The following ZNF804B variants were observed in gnomAD, a reference collection of about 807,000 sequenced individuals.
ZNF804B encodes the protein zinc finger protein 804B.
A neutral mutation model predicts 101.4 loss-of-function variants in ZNF804B; 80 were observed. The observed-to-expected ratio is 0.79, with a 90% CI of 0.66 to 0.95. The LOEUF is 0.95. ZNF804B is among the 40% of genes least tolerant of loss of function. ZNF804B has a pLI of 0.00. For missense variants in ZNF804B, 1,673 were observed against 1,561.9 expected, an observed-to-expected ratio of 1.07 and a Z score of -1.20; for synonymous variants, 622 against 558.8, an observed-to-expected ratio of 1.11 and a Z score of -1.59.
intron 1 of ZNF804B, chr7:88,794,040 T>C: frequency 1.7e-6 from 1 of 592,798 alleles, no homozygotes; most frequent in Non-Finnish European, 2.7e-6. Context: ...CTCAACATAC[T>C]CTATAAAGAT....
At chr7:88,843,749 A>G (rs1226896802) in intron 1 of ZNF804B, among the ~76,000 whole-genome samples, 2 of 152,172 alleles carry the variant, frequency 1.3e-5, no homozygotes, top group African/African-American at 4.8e-5. Flanking sequence ...AAGAAAAAAA[A>G]TAATAAATAA....
chr7:89,290,457 G>A (rs1000364884), intron 2 of ZNF804B, among the ~76,000 whole-genome samples: 2 of 152,120 alleles, frequency 1.3e-5, no homozygotes, highest in East Asian at 3.9e-4. Context: ...CATTTTCTGG[G>A]CCTTCCTGGA....
chr7:89,039,941 C>T (rs1405309103), intron 1 of ZNF804B, among the ~76,000 whole-genome samples: 5 of 151,856 alleles, frequency 3.3e-5, no homozygotes, highest in Admixed American at 2.0e-4. Flanking sequence ...ATTTTGTTAC[C>T]GTATGTCTTG....
intron 1 of ZNF804B, among the ~76,000 whole-genome samples, chr7:89,007,563 T>C (rs1251583915): frequency 3.3e-5 from 1 of 30,456 alleles, no homozygotes; most frequent in East Asian, 4.5e-4. Context: ...TATTTATCTA[T>C]TATAATTATA....
intron 1 of ZNF804B, among the ~76,000 whole-genome samples, chr7:89,120,657 CAA>C (rs10636811): frequency 2.9e-5 from 3 of 103,326 alleles, no homozygotes; most frequent in Non-Finnish European, 1.8e-5. Flanking sequence ...GACTCCGCCT[CAA>C]AAAAAAAAAA....
In ZNF804B at chr7:89,274,607, T is replaced by C. The variant is rs1789950455; in HGVS notation, c.250-52737T>C. 1.3e-5 allele frequency among the ~76,000 whole-genome samples: 2 copies of C among 151,724 alleles called. 1 individual carries two copies. The highest frequency in any genetic ancestry group is 4.1e-4 in the South Asian group (2 of 4,820). ...TATTTAAGTGAGAAAATACACATAA[T>C]GATCCTTAGAAGACATGTTCCCCAA... On this transcript the variant is annotated intron_variant, in intron 2 of 3. Transcript: ENST00000333190.
In ZNF804B at chr7:89,334,885, A is replaced by G. The variant is rs1297978534; in HGVS notation, c.1903A>G (p.Lys635Glu). ...LSFPSYISRF[K>E]KHKLIPCSPH... ...TTTTCCTTCCTACATCTCTAGGTTT[A>G]AAAAGCATAAATTGATTCCCTGCAG... is the stretch of plus-strand genomic sequence containing the variant. The change falls in exon 4 of 4, where the codon AAA becomes GAA. Residue 635 changes from lysine to glutamate, a missense_variant. Physicochemically the swap from Lys to Glu is moderately conservative, Grantham distance 56. Coordinates refer to ENST00000333190, the MANE Select transcript of ZNF804B (RefSeq NM_181646.5). 32 of 1,613,826 alleles carry G rather than the reference A, an allele frequency of 2.0e-5. No individual in the cohort carries two copies. Among genetic ancestry groups the G allele is most frequent in the Non-Finnish European group, 2.6e-5 (31 of 1,179,858 alleles).
intron 1 of ZNF804B, among the ~76,000 whole-genome samples, chr7:88,882,972 A>G (rs1424256107): frequency 6.6e-6 from 1 of 152,182 alleles, no homozygotes; most frequent in African/African-American, 2.4e-5. Context: ...CCCCCATGTA[A>G]CAAATCTGCA....
At chr7:88,764,013 T>C (rs377221128) in intron 1 of ZNF804B, among the ~76,000 whole-genome samples, 1 of 152,210 alleles carries the variant, frequency 6.6e-6, no homozygotes, top group East Asian at 1.9e-4. Flanking sequence ...ACATAGTCTA[T>C]AGATTAATTC....
chr7:88,994,109 C>A (rs1793886036), intron 1 of ZNF804B, among the ~76,000 whole-genome samples: 1 of 151,790 alleles, frequency 6.6e-6, no homozygotes, highest in African/African-American at 2.4e-5. Flanking sequence ...TAAATATTAT[C>A]TCACACTTAA....
At chr7:89,333,215 T>C in intron 3 of ZNF804B, 148 bp from the exon 4 acceptor site, 1 of 777,560 alleles carries the variant, frequency 1.3e-6, no homozygotes, top group Non-Finnish European at 1.9e-6. Flanking sequence ...TATGCTAAGC[T>C]ATATAAGGAC....
intron 1 of ZNF804B, among the ~76,000 whole-genome samples, chr7:89,091,489 A>G (rs1024835209): frequency 4.6e-5 from 7 of 152,182 alleles, no homozygotes; most frequent in African/African-American, 7.2e-5. Flanking sequence ...TTTCTCGGTA[A>G]AAGTCGAAAG....
At chr7:89,132,459 G>A (rs1790567957) in intron 1 of ZNF804B, among the ~76,000 whole-genome samples, 1 of 151,976 alleles carries the variant, frequency 6.6e-6, no homozygotes, top group African/African-American at 2.4e-5. Context: ...AAGGAAACTG[G>A]ACTAGGGAAG....
intron 1 of ZNF804B, among the ~76,000 whole-genome samples, chr7:89,135,426 A>T (rs2214342): frequency 2.6e-5 from 4 of 151,898 alleles, no homozygotes; most frequent in Non-Finnish European, 5.9e-5. Flanking sequence ...ATCTACTGAT[A>T]GTCAGATTTT....
chr7:88,772,893 G>A (rs1269524994), intron 1 of ZNF804B, among the ~76,000 whole-genome samples: 1 of 123,624 alleles, frequency 8.1e-6, no homozygotes, highest in Admixed American at 7.9e-5. Context: ...TTATTTAAAG[G>A]TGGGGGGAAG....
chr7:88,888,630 TG>T (rs1792169562), intron 1 of ZNF804B, among the ~76,000 whole-genome samples: 1 of 152,154 alleles, frequency 6.6e-6, no homozygotes, highest in Non-Finnish European at 1.5e-5. Context: ...ATTGAAAAAT[TG>T]ATATTTTTAT....
chr7:89,061,909 A>G (rs897086182), intron 1 of ZNF804B, among the ~76,000 whole-genome samples: 2 of 152,026 alleles, frequency 1.3e-5, no homozygotes, highest in Non-Finnish European at 2.9e-5. Context: ...CCTCTTCTGT[A>G]TACTATATGT....
At chr7:89,067,967 C>T (rs1280732109) in intron 1 of ZNF804B, among the ~76,000 whole-genome samples, 8 of 150,978 alleles carry the variant, frequency 5.3e-5, no homozygotes, top group Admixed American at 2.7e-4. Flanking sequence ...TGCCACCACG[C>T]CCAAACTATG....
At chr7:89,011,776 C>A (rs1269308699) in intron 1 of ZNF804B, among the ~76,000 whole-genome samples, 4 of 152,104 alleles carry the variant, frequency 2.6e-5, no homozygotes, top group Non-Finnish European at 5.9e-5. Context: ...CCCCTCGCAG[C>A]TTTTATGGGC....
Sources: gnomAD v4.1 joint callset for allele counts (sites outside exome capture counted in the v4.1 genomes callset) on GRCh38, gnomAD v4.1.1 for gene constraint, MANE v1.5 for transcripts, NCBI Gene and HGNC (gene_info 2026-07-23, HGNC 2026-07-21) for gene names.